Variants in EYS observed in about 807,000 individuals in gnomAD.
EYS encodes protein eyes shut homolog.
EYS carries 250 observed loss-of-function variants against 282.1 expected under a neutral mutation model. The observed-to-expected ratio is 0.89, with a 90% CI of 0.80 to 0.98. EYS has a LOEUF of 0.98. Ranked by LOEUF, EYS falls within the 50% of genes least tolerant of loss-of-function variation. EYS has a pLI of 0.00. For missense variants in EYS, 4,016 were observed against 3,709.0 expected, an observed-to-expected ratio of 1.08 and a Z score of -2.15; for synonymous variants, 1,355 against 1,282.9, an observed-to-expected ratio of 1.06 and a Z score of -1.20.
chr6:65,572,083 T>C lies in EYS; in HGVS notation c.-333+67695A>G, dbSNP rs182307584. On this transcript the variant is annotated intron_variant, in intron 2 of 42. Transcript: ENST00000503581. ...AACATGAAAAGCTATGCTTGTAAGA[T>C]ACCATAATTTTACTCCATTAATTCC... 2.4e-3 allele frequency among the ~76,000 whole-genome samples: 360 copies of C among 152,192 alleles called. 2 individuals are homozygous for C. The highest frequency in any genetic ancestry group is 3.6e-3 in the Admixed American group (55 of 15,274).
chr6:65,095,082 C>A (rs1313604360), intron 12 of EYS, among the ~76,000 whole-genome samples: 1 of 150,844 alleles, frequency 6.6e-6, no homozygotes, highest in African/African-American at 2.4e-5. Flanking sequence ...GATTGGATAA[C>A]CTAAAAGAAA....
At chr6:65,006,492 T>C in intron 13 of EYS, among the ~76,000 whole-genome samples, 1 of 100,376 alleles carries the variant, frequency 1.0e-5, no homozygotes, top group Non-Finnish European at 1.9e-5. Flanking sequence ...CAGTTCAGAG[T>C]TATTCTAAGT....
chr6:65,559,731 A>G (rs1768961831), intron 2 of EYS, among the ~76,000 whole-genome samples: 4 of 152,248 alleles, frequency 2.6e-5, no homozygotes, highest in South Asian at 4.1e-4. Context: ...CATTAAATGT[A>G]TCTCTGATAT....
intron 7 of EYS, among the ~76,000 whole-genome samples, chr6:65,396,154 T>G (rs2150359967): frequency 6.6e-6 from 1 of 152,306 alleles, no homozygotes; most frequent in Non-Finnish European, 1.5e-5. Flanking sequence ...CTGCAAAGTT[T>G]ATTTATTTGC....
chr6:65,250,358 T>C (rs1767289874), intron 12 of EYS, among the ~76,000 whole-genome samples: 1 of 152,002 alleles, frequency 6.6e-6, no homozygotes, highest in Non-Finnish European at 1.5e-5. Flanking sequence ...GTTATACCTA[T>C]TAAGTGTCTA....
At chr6:64,678,130 G>T (rs1313492434) in intron 22 of EYS, among the ~76,000 whole-genome samples, 1 of 152,064 alleles carries the variant, frequency 6.6e-6, no homozygotes, top group East Asian at 1.9e-4. Context: ...GCTGGCTCCT[G>T]TGTCCTTTTG....
rs3042394 is a variant in EYS, at chr6:65,263,703, C to CTGTGTGTGTGTGTG, written c.2023+32146_2023+32159dup. Among the ~76,000 whole-genome samples, 808 of 141,386 alleles carry CTGTGTGTGTGTGTG rather than the reference C, an allele frequency of 5.7e-3. 6 individuals are homozygous for CTGTGTGTGTGTGTG. Among genetic ancestry groups the CTGTGTGTGTGTGTG allele is most frequent in the African/African-American group, 0.012 (467 of 38,572 alleles). 92.8% of individuals were successfully genotyped at this position (141,386 alleles called of 152,430 possible). ...CCTAAAAAGCAAAAACAAGGCAAAG[C>CTGTGTGTGTGTGTG]TGTGTGTGTGTGTGTGTGTGTGTGT... On this transcript the variant is annotated intron_variant, in intron 12 of 42. Coordinates refer to ENST00000503581, the MANE Select transcript of EYS (RefSeq NM_001142800.2).
intron 5 of EYS, among the ~76,000 whole-genome samples, chr6:65,444,085 A>G (rs976092396): frequency 1.2e-4 from 18 of 151,990 alleles, no homozygotes; most frequent in African/African-American, 4.1e-4. Flanking sequence ...GTTTTATTAG[A>G]AGGACATTAA....
chr6:63,793,106 C>T (rs1372257519), intron 37 of EYS, among the ~76,000 whole-genome samples: 4 of 152,106 alleles, frequency 2.6e-5, no homozygotes, highest in Admixed American at 2.6e-4. Context: ...CCATTTGGGC[C>T]AGAACTTACT....
chr6:64,316,097 T>G (rs1054937213), intron 29 of EYS, among the ~76,000 whole-genome samples: 6 of 151,958 alleles, frequency 3.9e-5, no homozygotes, highest in Admixed American at 2.6e-4. Flanking sequence ...AATGACAAAC[T>G]TACAGCCAAT....
At chr6:64,143,036 A>T (rs949475932) in intron 31 of EYS, among the ~76,000 whole-genome samples, 1 of 152,218 alleles carries the variant, frequency 6.6e-6, no homozygotes, top group African/African-American at 2.4e-5. Flanking sequence ...GAAGAAATGT[A>T]AACGCATATC....
In EYS at chr6:65,490,581, A is replaced by G. The variant is rs772268852; in HGVS notation, c.862+13T>C. ...TACTTGTGTATATGGTTGTATACAT[A>G]TGCATTTTTTACCTGAAAATTGCTC... On this transcript the variant is annotated intron_variant, in intron 5 of 42. Coordinates refer to ENST00000503581, the MANE Select transcript of EYS (RefSeq NM_001142800.2). 7.3e-7 allele frequency: 1 copy of G among 1,378,622 alleles called. No homozygotes were observed. Among genetic ancestry groups the G allele is most frequent in the Admixed American group, 1.7e-5 (1 of 59,568 alleles). 85.4% of individuals were successfully genotyped at this position (1,378,622 alleles called of 1,614,324 possible). A position where few individuals can be genotyped will look rare whatever the true frequency, so the allele number is the denominator to read the frequency against.
At chr6:64,289,185 A>G (rs1391445727) in intron 30 of EYS, among the ~76,000 whole-genome samples, 1 of 152,022 alleles carries the variant, frequency 6.6e-6, no homozygotes, top group Non-Finnish European at 1.5e-5. Context: ...AACACCAAAC[A>G]TGGCAATATT....
In EYS at chr6:64,902,409, A is replaced by G. The variant is rs75634595; in HGVS notation, c.2733T>C (p.Asn911=). ...DYGDCEDMVN[N]FRCICRPGFS... Reference sequence around the variant, plus strand: ...ACTTTTTAAGTTTTCTGTACCTGAAATTGTTGACCATATCTTCACAGTCAC... The same window carrying G: ...ACTTTTTAAGTTTTCTGTACCTGAAGTTGTTGACCATATCTTCACAGTCAC... Residue 911 remains asparagine, a synonymous_variant, in exon 17 of 43, where the codon AAT becomes AAC. Coordinates refer to ENST00000503581, the MANE Select transcript of EYS (RefSeq NM_001142800.2). 38,532 of 1,537,386 alleles carry G rather than the reference A, an allele frequency of 0.025. 659 individuals are homozygous for G. The highest frequency in any genetic ancestry group is 0.067 in the Middle Eastern group (398 of 5,950).
chr6:65,621,782 G>T (rs1766505894), intron 2 of EYS, among the ~76,000 whole-genome samples: 3 of 151,978 alleles, frequency 2.0e-5, no homozygotes, highest in Non-Finnish European at 2.9e-5. Context: ...TTGCTTGTCT[G>T]TAAAGTATAA....
chr6:64,651,093 A>G (rs1034167495), intron 22 of EYS, among the ~76,000 whole-genome samples: 3 of 152,060 alleles, frequency 2.0e-5, no homozygotes, highest in African/African-American at 7.2e-5. Context: ...AATATGGTTA[A>G]CTAAAAAAGC....
chr6:64,290,647 G>C (rs1768670501), intron 30 of EYS, among the ~76,000 whole-genome samples: 1 of 151,868 alleles, frequency 6.6e-6, no homozygotes, highest in Non-Finnish European at 1.5e-5. Context: ...TGCCATTCTT[G>C]GTGGGGGGCT....
intron 22 of EYS, among the ~76,000 whole-genome samples, chr6:64,670,269 C>T (rs376590133): frequency 4.6e-5 from 7 of 152,180 alleles, no homozygotes; most frequent in South Asian, 4.1e-4. Flanking sequence ...AGATCGTCCA[C>T]GCTTTGTCTT....
At chr6:64,524,972 T>C (rs1777871797) in intron 26 of EYS, among the ~76,000 whole-genome samples, 1 of 151,758 alleles carries the variant, frequency 6.6e-6, no homozygotes, top group Non-Finnish European at 1.5e-5. Flanking sequence ...AAAACCACTA[T>C]GAGATATCGT....
Sources: allele counts gnomAD v4.1 joint callset (sites outside exome capture counted in the v4.1 genomes callset), GRCh38; gene constraint gnomAD v4.1.1; transcripts MANE v1.5; gene names NCBI Gene and HGNC (gene_info 2026-07-23, HGNC 2026-07-21).